Variants in FGA observed in about 807,000 individuals in gnomAD.
The protein encoded by FGA is fibrinogen alpha chain.
A neutral mutation model predicts 20.3 loss-of-function variants in FGA; 20 were observed. The ratio of observed to expected loss-of-function variants is 0.99; its 90% CI spans 0.69 to 1.43. The LOEUF (loss-of-function observed/expected upper bound fraction) is 1.43, where lower values mean the gene tolerates loss of function less well. Ranked by LOEUF, FGA falls within the 40% of genes most tolerant of loss-of-function variation. The pLI is 0.00. For missense variants in FGA, 777 were observed against 784.7 expected, an observed-to-expected ratio of 0.99 and a Z score of 0.12; for synonymous variants, 306 against 281.6, an observed-to-expected ratio of 1.09 and a Z score of -0.87.
At chr4:154,589,294 A>G (rs1389512213) in intron 2 of FGA, 143 bp downstream of exon 2, 2 of 940,212 alleles carry the variant, frequency 2.1e-6, no homozygotes, top group Non-Finnish European at 3.3e-6. Context: ...TCTTGGGAGT[A>G]GGTTCCTTTT....
chr4:154,589,570 G>A lies in FGA; in HGVS notation c.55-8C>T. On this transcript the variant is annotated splice_region_variant and splice_polypyrimidine_tract_variant and intron_variant, in intron 1 of 4. Coordinates refer to ENST00000403106, the MANE Select transcript of FGA (RefSeq NM_021871.4). ...TTCACCACTATCTGCAGTCTTTAAA[G>A]ATTCATTCACATACACAAAAGAGAG... 2 of 1,612,264 alleles carry A rather than the reference G, an allele frequency of 1.2e-6. No individual in the cohort carries two copies. Among genetic ancestry groups the A allele is most frequent in the South Asian group, 2.2e-5 (2 of 91,086 alleles).
Position 154,586,638 on chromosome 4 carries a change from G to A in FGA, c.791C>T (p.Pro264Leu). Residue 264 changes from proline (P) to leucine (L), a missense_variant, in exon 5 of 5, where the codon CCT (proline) becomes CTT (leucine). Coordinates refer to ENST00000403106, the MANE Select transcript of FGA (RefSeq NM_021871.4). The part of the protein sequence containing the change: ...MPQMRMELER[P>L]GGNEITRGGS... ...TCCTCGAGTAATCTCATTTCCACCAGGTCTCTCTAACTCCATTCTCATCTG... is the reference window on the plus strand; with the variant it reads ...TCCTCGAGTAATCTCATTTCCACCAAGTCTCTCTAACTCCATTCTCATCTG... 2 of 1,614,100 alleles carry A rather than the reference G, an allele frequency of 1.2e-6. No individual in the cohort carries two copies. Among genetic ancestry groups the A allele is most frequent in the African/African-American group, 1.3e-5 (1 of 75,040 alleles).
chr4:154,584,689 A>C (rs1730666255), downstream of FGA: 1 of 1,614,032 alleles, frequency 6.2e-7, no homozygotes, highest in African/African-American at 1.3e-5. Flanking sequence ...TGATCCATCC[A>C]TTCTTTGCTG....
In FGA at chr4:154,585,625, T is replaced by C; in HGVS notation, c.1804A>G (p.Lys602Glu). 1 of 1,614,198 alleles carries C rather than the reference T, an allele frequency of 6.2e-7. No individual in the cohort carries two copies. Among genetic ancestry groups the C allele is most frequent in the Non-Finnish European group, 8.5e-7 (1 of 1,180,008 alleles). The part of the protein sequence containing the change: ...GDSTFESKSY[K>E]MADEAGSEAD... Reference sequence around the variant, plus strand: ...TCACTTCCGGCCTCATCTGCCATTTTATAGCTCTTGCTTTCAAATGTGGAG... The same window carrying C: ...TCACTTCCGGCCTCATCTGCCATTTCATAGCTCTTGCTTTCAAATGTGGAG... The change falls in exon 5 of 5, where the codon AAA (lysine) becomes GAA (glutamate). Residue 602 changes from lysine to glutamate, a missense_variant. By Grantham distance (56) the Lys-to-Glu change is moderately conservative (BLOSUM62 1). Coordinates refer to ENST00000403106, the MANE Select transcript of FGA (RefSeq NM_021871.4).
In FGA at chr4:154,589,423, C is replaced by A. The variant is rs574581952; in HGVS notation, c.180+14G>T. 6.2e-7 allele frequency: 1 copy of A among 1,613,758 alleles called. No individual in the cohort carries two copies. Among genetic ancestry groups the A allele is most frequent in the Admixed American group, 1.7e-5 (1 of 60,014 alleles). On this transcript the variant is annotated intron_variant, in intron 2 of 4. Transcript: ENST00000403106. ...GAGGGAAGGAATCTCCTGCTTCCCC[C>A]GCTGACTGCTTACCCAGTCTTCATC...
At chr4:154,588,743 T>C (rs1730796137) in intron 3 of FGA, 50 bp downstream of exon 3, 3 of 1,286,298 alleles carry the variant, frequency 2.3e-6, no homozygotes, top group Admixed American at 1.7e-5. Flanking sequence ...TTATTTAGGA[T>C]TTTTGTTGTT....
downstream of FGA, chr4:154,583,546 A>C (rs1189148256): frequency 6.6e-6 from 1 of 152,542 alleles, no homozygotes; most frequent in East Asian, 1.9e-4. Flanking sequence ...AGTTTAAAGG[A>C]TAGATTTTCA....
At chr4:154,587,083 C>T (rs1219942763) in intron 4 of FGA, among the ~76,000 whole-genome samples, 165 bp from the exon 5 acceptor site, 2 of 152,198 alleles carry the variant, frequency 1.3e-5, no homozygotes, top group Admixed American at 1.3e-4. Context: ...CGAGCACCCT[C>T]AGTGGAAGAG....
Position 154,586,483 on chromosome 4 carries a change from C to G in FGA, c.946G>C (p.Gly316Arg). The G allele has an allele frequency of 2.5e-6, 4 of 1,613,858 alleles. No individual in the cohort carries two copies. The South Asian group carries it at 3.3e-5, about 13-fold the overall frequency. Residue 316 changes from glycine to arginine, a missense_variant, in exon 5 of 5, where the codon GGA becomes CGA. Coordinates refer to ENST00000403106, the MANE Select transcript of FGA (RefSeq NM_021871.4). The stretch of plus-strand genomic sequence containing the variant: ...CCAGGTTTCCAGGTTGCAGTCCCTC[C>G]AGTCCCAGAGCTCCCAGGGTTTCGG... ...GNRNPGSSGT[G>R]GTATWKPGSS...
intron 1 of FGA, 106 bp from the exon 2 acceptor site, chr4:154,589,668 A>G (rs1730824800): frequency 7.8e-7 from 1 of 1,281,636 alleles, no homozygotes; most frequent in Admixed American, 1.7e-5. Context: ...GCACTCTCAC[A>G]GAGATTAAGG....
At position 154,585,329 on chromosome 4, in the gene FGA, A is replaced by T. The variant is rs1730678705; in HGVS notation, c.*165T>A. 5 of 1,165,786 alleles carry T rather than the reference A, an allele frequency of 4.3e-6. No individual in the cohort carries two copies. The highest frequency in any genetic ancestry group is 5.9e-6 in the Non-Finnish European group (5 of 846,984). The allele number at this position is 1,165,786 out of a possible 1,614,324, so 72.2% of individuals were successfully genotyped here. On this transcript the variant is annotated 3_prime_UTR_variant, in exon 5 of 5. Coordinates refer to ENST00000403106, the MANE Select transcript of FGA (RefSeq NM_021871.4). ...GAGTCATGGCTCTGTACTGTTAGGC[A>T]TTTGGGAATACAGAGATGAGACAGA...
At position 154,587,533 on chromosome 4, in the gene FGA, CAACT is replaced by C. The variant is rs1180229502; in HGVS notation, c.485_488del (p.Gln162ArgfsTer4). 6.2e-7 allele frequency: 1 copy of C among 1,613,932 alleles called. No individual in the cohort carries two copies. Among genetic ancestry groups the C allele is most frequent in the Non-Finnish European group, 8.5e-7 (1 of 1,179,960 alleles). On this transcript the variant is annotated frameshift_variant, in exon 4 of 5. Coordinates refer to ENST00000403106, the MANE Select transcript of FGA (RefSeq NM_021871.4). LOFTEE classifies it low-confidence loss of function (END_TRUNC). Reference sequence around the variant, plus strand: ...TTACCTCCAGTCGTTTCATATCAACCAACTGAGCTCTAACATTTTTCTGCAGAAG... The same window carrying C: ...TTACCTCCAGTCGTTTCATATCAACCGAGCTCTAACATTTTTCTGCAGAAG...
intron 3 of FGA, 146 bp from the exon 4 acceptor site, chr4:154,587,803 G>GTT (rs1730775255): frequency 1.5e-6 from 1 of 663,068 alleles, no homozygotes; most frequent in Non-Finnish European, 2.5e-6. Context: ...AAGAAAGAAA[G>GTT]AGAAAAAAGA....
chr4:154,585,157 T>C (rs1447842010), downstream of FGA: 1 of 1,019,446 alleles, frequency 9.8e-7, no homozygotes, highest in African/African-American at 1.6e-5. Flanking sequence ...CTGACCTAAA[T>C]GTCAACTGAG....
At chr4:154,584,495 C>T (rs1343854123), downstream of FGA, 2 of 1,614,060 alleles carry the variant, frequency 1.2e-6, no homozygotes, top group Non-Finnish European at 1.7e-6. Flanking sequence ...TCAGAGCCTA[C>T]CCGGAAGTGA....
At position 154,586,598 on chromosome 4, in the gene FGA, A is replaced by G. The variant is rs775544862; in HGVS notation, c.831T>C (p.Tyr277=). 11 of 1,614,018 alleles carry G rather than the reference A, an allele frequency of 6.8e-6. No homozygotes were observed. The highest frequency in any genetic ancestry group is 6.6e-5 in the South Asian group (6 of 91,060). The part of the protein sequence containing the change: ...NEITRGGSTS[Y]GTGSETESPR... ...GGCTTTCCGTCTCTGATCCGGTTCC[A>G]TAAGAGGTGGAGCCTCCTCGAGTAA... The change falls in exon 5 of 5, where the codon TAT becomes TAC. Residue 277 remains tyrosine (Y), a synonymous_variant. Transcript: ENST00000403106.
chr4:154,586,037 G>T lies in FGA; in HGVS notation c.1392C>A (p.Thr464=), dbSNP rs779394316. Residue 464 remains threonine (T), a synonymous_variant, in exon 5 of 5, where the codon ACC becomes ACA. Coordinates refer to ENST00000403106, the MANE Select transcript of FGA (RefSeq NM_021871.4). ...CAGGACCAATAACAGTCTTAGTAAC[G>T]GTTTTAGAGCATGAACGACGCGTGG... ...TTTTRRSCSK[T]VTKTVIGPDG... is the part of the protein sequence containing the mutation. The T allele has an allele frequency of 3.1e-6, 5 of 1,614,108 alleles. No homozygotes were observed. Among genetic ancestry groups the T allele is most frequent in the Non-Finnish European group, 4.2e-6 (5 of 1,180,010 alleles).
Position 154,585,711 on chromosome 4 carries a change from C to G in FGA, c.1718G>C (p.Arg573Pro), listed in dbSNP as rs78506343. Residue 573 changes from arginine to proline, a missense_variant, in exon 5 of 5, where the codon CGT becomes CCT. Arg to Pro is a moderately radical substitution (Grantham distance 103, BLOSUM62 -2). Transcript: ENST00000403106. The stretch of plus-strand genomic sequence containing the variant: ...TTTGCTGTAACTTGAAGATTTACCA[C>G]GGGAAGGGAATTCAGCTATCCCAGG... ...HHPGIAEFPS[R>P]GKSSSYSKQF... 6.2e-7 allele frequency: 1 copy of G among 1,614,120 alleles called. No individual in the cohort carries two copies. Among genetic ancestry groups the G allele is most frequent in the East Asian group, 2.2e-5 (1 of 44,878 alleles).
intron 4 of FGA, 119 bp downstream of exon 4, chr4:154,587,393 G>T: frequency 2.1e-6 from 2 of 952,408 alleles, no homozygotes; most frequent in South Asian, 1.4e-5. Flanking sequence ...CCTACTTTTA[G>T]GTAGATGATG....
Sources: gnomAD v4.1 joint callset for allele counts (sites outside exome capture counted in the v4.1 genomes callset) on GRCh38, gnomAD v4.1.1 for gene constraint, MANE v1.5 for transcripts, NCBI Gene and HGNC (gene_info 2026-07-23, HGNC 2026-07-21) for gene names.